The following RHAG variants were observed in gnomAD, a reference collection of about 807,000 sequenced individuals.
RHAG encodes ammonium transporter Rh type A.
A neutral mutation model predicts 42.4 loss-of-function variants in RHAG; 25 were observed. The ratio of observed to expected loss-of-function variants is 0.59; its 90% CI spans 0.43 to 0.82. The LOEUF is 0.82. RHAG is among the 40% of genes least tolerant of loss of function. The probability of loss-of-function intolerance (pLI) is 0.00; values close to 1 mark genes in which losing one functional copy is unlikely to be tolerated. For missense variants in RHAG, 483 were observed against 504.6 expected (o/e 0.96, Z 0.41); for synonymous variants, 182 against 177.7 (o/e 1.02, Z -0.19).
intron 5 of RHAG, 111 bp from the exon 6 acceptor site, chr6:49,612,645 GC>G: frequency 7.9e-7 from 1 of 1,258,180 alleles, no homozygotes; most frequent in African/African-American, 1.5e-5. Flanking sequence ...AGTTGAAAGG[GC>G]TATTGGTTCT....
chr6:49,616,453 G>A (rs1762657019), intron 3 of RHAG, among the ~76,000 whole-genome samples: 1 of 150,272 alleles, frequency 6.7e-6, no homozygotes, highest in African/African-American at 2.5e-5. Flanking sequence ...TGTAACTCAA[G>A]ACTTGAAACT....
At chr6:49,616,765 T>A (rs1056060628) in intron 3 of RHAG, among the ~76,000 whole-genome samples, 10 of 152,326 alleles carry the variant, frequency 6.6e-5, no homozygotes, top group African/African-American at 2.2e-4. Context: ...CCCTTGAAGA[T>A]CCACACTTGG....
chr6:49,612,644 G>T, intron 5 of RHAG, 110 bp from the exon 6 acceptor site: 1 of 1,265,788 alleles, frequency 7.9e-7, no homozygotes, highest in Non-Finnish European at 1.1e-6. Context: ...CAGTTGAAAG[G>T]GCTATTGGTT....
intron 2 of RHAG, among the ~76,000 whole-genome samples, chr6:49,618,468 GGT>G (rs1762693731): frequency 6.6e-6 from 1 of 151,996 alleles, no homozygotes; most frequent in African/African-American, 2.4e-5. Flanking sequence ...TATTTCCTGG[GGT>G]GTGTGTTTAC....
At chr6:49,612,728 T>C (rs1295120965) in intron 5 of RHAG, among the ~76,000 whole-genome samples, 194 bp from the exon 6 acceptor site, 4 of 152,248 alleles carry the variant, frequency 2.6e-5, no homozygotes, top group African/African-American at 9.6e-5. Flanking sequence ...GTATCTTTCT[T>C]GCCGGTCCCT....
chr6:49,610,740 T>C (rs1404743472), intron 7 of RHAG, among the ~76,000 whole-genome samples: 2 of 152,210 alleles, frequency 1.3e-5, no homozygotes, highest in East Asian at 1.9e-4. Flanking sequence ...CCTTCTATAA[T>C]CTGACTGTGA....
At chr6:49,620,738 C>T (rs1762742933) in intron 1 of RHAG, among the ~76,000 whole-genome samples, 1 of 152,132 alleles carries the variant, frequency 6.6e-6, no homozygotes, top group Non-Finnish European at 1.5e-5. Context: ...ACCATGTTGG[C>T]CAGGCTGGTC....
intron 3 of RHAG, among the ~76,000 whole-genome samples, chr6:49,616,834 C>T (rs952295628): frequency 2.0e-5 from 3 of 152,162 alleles, no homozygotes; most frequent in Admixed American, 6.5e-5. Context: ...CTTTAGCCTC[C>T]CAGCAACACT....
chr6:49,616,817 TAGCAACCTTTAGCCTCCC>T (rs1455503128), intron 3 of RHAG, among the ~76,000 whole-genome samples: 1 of 152,200 alleles, frequency 6.6e-6, no homozygotes, highest in Non-Finnish European at 1.5e-5. Context: ...ATGATCTATC[TAGCAACCTTTAGCCTCCC>T]AGCAACACTT....
At chr6:49,616,590 C>A (rs1762658714) in intron 3 of RHAG, among the ~76,000 whole-genome samples, 1 of 151,866 alleles carries the variant, frequency 6.6e-6, no homozygotes. Flanking sequence ...TGGTTTTGAC[C>A]CAGTTTTCTA....
chr6:49,619,153 A>C, intron 2 of RHAG, 26 bp downstream of exon 2: 1 of 1,612,500 alleles, frequency 6.2e-7, no homozygotes, highest in Non-Finnish European at 8.5e-7. Flanking sequence ...GGATGCAAAC[A>C]TTCAGCCCAC....
At chr6:49,629,032 G>A (rs1290759256) in intron 1 of RHAG, among the ~76,000 whole-genome samples, 4 of 152,198 alleles carry the variant, frequency 2.6e-5, no homozygotes, top group Non-Finnish European at 4.4e-5. Flanking sequence ...TTGACAGGGT[G>A]CTGATTGGTG....
intron 1 of RHAG, among the ~76,000 whole-genome samples, chr6:49,621,928 C>T (rs1190417021): frequency 6.6e-6 from 1 of 151,338 alleles, no homozygotes; most frequent in Non-Finnish European, 1.5e-5. Flanking sequence ...AAAATAAGGA[C>T]TCAGTTTTTT....
At chr6:49,631,580 A>G (rs1399913781) in intron 1 of RHAG, among the ~76,000 whole-genome samples, 2 of 152,064 alleles carry the variant, frequency 1.3e-5, no homozygotes, top group African/African-American at 4.8e-5. Context: ...TGTCCTTTTC[A>G]CATGGCCCTG....
At chr6:49,611,800 G>GCA (rs1762573707) in intron 6 of RHAG, among the ~76,000 whole-genome samples, 1 of 150,402 alleles carries the variant, frequency 6.6e-6, no homozygotes, top group Non-Finnish European at 1.5e-5. Flanking sequence ...GGAGGGTAAT[G>GCA]GTGCCATCTC....
In RHAG at chr6:49,605,791, G is replaced by A. The variant is rs1774151683; in HGVS notation, c.*22C>T. The A allele has an allele frequency of 1.2e-6, 2 of 1,611,040 alleles. No individual in the cohort carries two copies. Among genetic ancestry groups the A allele is most frequent in the Non-Finnish European group, 1.7e-6 (2 of 1,177,282 alleles). Reference sequence around the variant, plus strand: ...GGTTCCAGCTGGCTGTGGTCACCATGTCCATGGAACTGATTGTCAAGTTAT... The same window carrying A: ...GGTTCCAGCTGGCTGTGGTCACCATATCCATGGAACTGATTGTCAAGTTAT... On this transcript the variant is annotated 3_prime_UTR_variant, in exon 10 of 10. Transcript: ENST00000371175.
At chr6:49,634,757 A>T (rs1246609434) in intron 1 of RHAG, among the ~76,000 whole-genome samples, 2 of 152,120 alleles carry the variant, frequency 1.3e-5, no homozygotes, top group Non-Finnish European at 2.9e-5. Flanking sequence ...TGTTTTTACA[A>T]GTAGTGTAGA....
Position 49,636,638 on chromosome 6 carries a change from A to G in RHAG, c.157+18T>C. 6.2e-7 allele frequency: 1 copy of G among 1,613,456 alleles called. No homozygotes were observed. Among genetic ancestry groups the G allele is most frequent in the Non-Finnish European group, 8.5e-7 (1 of 1,179,340 alleles). ...AAGAACCGAAAAATGTATAGTAAGT[A>G]GTAAATTGCCTACTCACGAGGATAT... On this transcript the variant is annotated intron_variant, in intron 1 of 9. Transcript: ENST00000371175.
At chr6:49,619,443 A>C (rs1762716349) in intron 1 of RHAG, 81 bp from the exon 2 acceptor site, 2 of 1,256,312 alleles carry the variant, frequency 1.6e-6, no homozygotes, top group African/African-American at 3.0e-5. Flanking sequence ...CCACTTATTA[A>C]GTGCTACCAC....
Sources: gnomAD v4.1 joint callset for allele counts (sites outside exome capture counted in the v4.1 genomes callset) on GRCh38, gnomAD v4.1.1 for gene constraint, MANE v1.5 for transcripts, NCBI Gene and HGNC (gene_info 2026-07-23, HGNC 2026-07-21) for gene names.